SPSB1: variants seen among roughly 807,000 people sequenced by gnomAD.
SPSB1 encodes the protein splA/ryanodine receptor domain and SOCS box containing 1.
In SPSB1, 8 loss-of-function variants were observed where a neutral mutation model predicts 21.2. The observed-to-expected ratio is 0.38, with a 90% confidence interval of 0.22 to 0.68. SPSB1 has a LOEUF of 0.68. SPSB1 is among the 30% of genes least tolerant of loss of function. The probability of loss-of-function intolerance (pLI) is 0.53; values close to 1 mark genes in which losing one functional copy is unlikely to be tolerated. For missense variants in SPSB1, 242 were observed against 377.8 expected, an observed-to-expected ratio of 0.64 and a Z score of 2.98; for synonymous variants, 169 against 161.7, an observed-to-expected ratio of 1.05 and a Z score of -0.34.
At chr1:9,326,519 G>T (rs1163225094) in intron 1 of SPSB1, among the ~76,000 whole-genome samples, 1 of 152,236 alleles carries the variant, frequency 6.6e-6, no homozygotes, top group Non-Finnish European at 1.5e-5. Context: ...GTCTGCATGT[G>T]GCTGAATGTT....
rs1160813442 is a variant in SPSB1 at position 9,305,015 on chromosome 1, T to A, written c.-150+11944T>A. On this transcript the variant is annotated intron_variant, in intron 1 of 2. Coordinates refer to ENST00000328089, the MANE Select transcript of SPSB1 (RefSeq NM_025106.4). This position sits in a 1 kb window ranked among gnomAD's most constrained non-coding sequence, Gnocchi z 4.8. The stretch of plus-strand genomic sequence containing the variant: ...GGCTTAGAAAGCTCTGGCCATTCCC[T>A]GGGCTTCACCTGCCTCCTGCGCCCA... Among the ~76,000 whole-genome samples the A allele has an allele frequency of 6.6e-6, 1 of 152,104 alleles. No homozygotes were observed. Among genetic ancestry groups the A allele is most frequent in the African/African-American group, 2.4e-5 (1 of 41,414 alleles).
intron 1 of SPSB1, among the ~76,000 whole-genome samples, chr1:9,354,835 G>A (rs1640335859): frequency 6.6e-6 from 1 of 152,116 alleles, no homozygotes; most frequent in Non-Finnish European, 1.5e-5. Flanking sequence ...GCTACCAGTG[G>A]AGAGGGATCG....
At chr1:9,328,607 G>A (rs1452604573) in intron 1 of SPSB1, among the ~76,000 whole-genome samples, 1 of 152,258 alleles carries the variant, frequency 6.6e-6, no homozygotes, top group African/African-American at 2.4e-5. Flanking sequence ...GCTGATGAGT[G>A]TGTTGGGGTG....
In SPSB1 at chr1:9,302,226, C is replaced by G. The variant is rs553478085; in HGVS notation, c.-150+9155C>G. Among the ~76,000 whole-genome samples, 3 of 152,268 alleles carry G rather than the reference C, an allele frequency of 2.0e-5. No homozygotes were observed. In the East Asian group the frequency reaches 5.8e-4, roughly 29 times the overall value. On this transcript the variant is annotated intron_variant, in intron 1 of 2. Coordinates refer to ENST00000328089, the MANE Select transcript of SPSB1 (RefSeq NM_025106.4). ...GGGTGCCAGTTGGTAAGGGGTGGAC[C>G]TGTGATGATTGATTTTGGATGTCAA...
intron 1 of SPSB1, among the ~76,000 whole-genome samples, chr1:9,342,267 G>A (rs546215741): frequency 1.3e-5 from 2 of 152,334 alleles, no homozygotes; most frequent in African/African-American, 4.8e-5. Context: ...TGCCAGGCCT[G>A]TGAGTGACGA....
At chr1:9,362,196 T>TC (rs1640493881) in intron 2 of SPSB1, among the ~76,000 whole-genome samples, 3 of 115,760 alleles carry the variant, frequency 2.6e-5, no homozygotes, top group African/African-American at 8.9e-5. Context: ...CTCCCTCCCT[T>TC]CCTTCCTTCC....
At position 9,293,460 on chromosome 1, in the gene SPSB1, G is replaced by A. The variant is rs1639154609; in HGVS notation, c.-150+389G>A. On this transcript the variant is annotated intron_variant, in intron 1 of 2. Transcript: ENST00000328089. This position sits in a 1 kb window ranked among gnomAD's most constrained non-coding sequence, Gnocchi z 5.1. The stretch of plus-strand genomic sequence containing the variant: ...GCCGACCCGTCCCCCCTTTAGCCCG[G>A]GGAAAGCGGGACCCCGCTCGGCTGA... 6.6e-6 allele frequency among the ~76,000 whole-genome samples: 1 copy of A among 151,784 alleles called. No homozygotes were observed. The highest frequency in any genetic ancestry group is 6.6e-5 in the Admixed American group (1 of 15,260).
intron 1 of SPSB1, among the ~76,000 whole-genome samples, chr1:9,337,933 T>C (rs899687218): frequency 3.3e-5 from 5 of 152,146 alleles, no homozygotes; most frequent in African/African-American, 1.2e-4. Context: ...TGGTGGCTCT[T>C]CCGGTGAGGA....
intron 1 of SPSB1, among the ~76,000 whole-genome samples, chr1:9,308,003 G>T (rs1569573829): frequency 6.6e-6 from 1 of 152,252 alleles, no homozygotes; most frequent in East Asian, 1.9e-4. Flanking sequence ...CCTCCTCCTG[G>T]GGGGCAGGAG....
intron 1 of SPSB1, among the ~76,000 whole-genome samples, chr1:9,294,077 CCTCT>C (rs1639167244): frequency 2.1e-5 from 3 of 144,320 alleles, no homozygotes; most frequent in African/African-American, 5.2e-5. Context: ...TTTGTGTGTG[CCTCT>C]CTGTGTATGT....
At position 9,314,045 on chromosome 1, in the gene SPSB1, G is replaced by A. The variant is rs143272581; in HGVS notation, c.-150+20974G>A. ...ACAAAAATTAGCCAGGTGTGGCGGC[G>A]GGCACTTGTTATCCCAGCTACCTGG... On this transcript the variant is annotated intron_variant, in intron 1 of 2. Transcript: ENST00000328089. Among the ~76,000 whole-genome samples the A allele has an allele frequency of 5.0e-3, 756 of 151,966 alleles. 7 individuals carry two copies. Among genetic ancestry groups the A allele is most frequent in the African/African-American group, 0.017 (721 of 41,454 alleles).
intron 1 of SPSB1, among the ~76,000 whole-genome samples, chr1:9,339,446 G>C (rs1383689844): frequency 6.6e-6 from 1 of 152,200 alleles, no homozygotes; most frequent in African/African-American, 2.4e-5. Context: ...GAGGTGCTCT[G>C]AGACGGCTGC....
At chr1:9,349,890 A>T (rs770089972) in intron 1 of SPSB1, among the ~76,000 whole-genome samples, 3 of 152,152 alleles carry the variant, frequency 2.0e-5, no homozygotes, top group African/African-American at 4.8e-5. Context: ...CCTGTCACCC[A>T]TGAGGAGGAC....
intron 1 of SPSB1, among the ~76,000 whole-genome samples, chr1:9,353,387 G>C (rs1640303526): frequency 6.6e-6 from 1 of 152,188 alleles, no homozygotes; most frequent in Non-Finnish European, 1.5e-5. Flanking sequence ...GCAGCGCCAT[G>C]GAGGGAGTCC....
At chr1:9,318,876 G>A (rs1294049) in intron 1 of SPSB1, among the ~76,000 whole-genome samples, 90,548 of 151,850 alleles carry the variant, frequency 0.6, 27,750 homozygotes, top group Middle Eastern at 0.69. Flanking sequence ...CCAGCCTGCG[G>A]TGTCCTGCAG....
At position 9,326,405 on chromosome 1, in the gene SPSB1, T is replaced by C. The variant is rs545032860; in HGVS notation, c.-149-29338T>C. ...AAGGGGCCACAGAAAAGTCAGTGGG[T>C]GGTGTCGGAGGAGTCACCTCACACT... On this transcript the variant is annotated intron_variant, in intron 1 of 2. Transcript: ENST00000328089. Among the ~76,000 whole-genome samples the C allele has an allele frequency of 4.7e-4, 71 of 152,168 alleles. 1 individual carries two copies. Among genetic ancestry groups the C allele is most frequent in the African/African-American group, 1.6e-3 (67 of 41,502 alleles).
chr1:9,308,599 T>C (rs185433033), intron 1 of SPSB1, among the ~76,000 whole-genome samples: 8 of 152,316 alleles, frequency 5.3e-5, no homozygotes, highest in African/African-American at 1.9e-4. Flanking sequence ...CTGCCTGAAA[T>C]AGTCTTCACA....
rs1392436581 is a variant in SPSB1, at chr1:9,293,403, G to A, written c.-150+332G>A. On this transcript the variant is annotated intron_variant, in intron 1 of 2. Coordinates refer to ENST00000328089, the MANE Select transcript of SPSB1 (RefSeq NM_025106.4). This position sits in a 1 kb window ranked among gnomAD's most constrained non-coding sequence, Gnocchi z 5.1. ...GCGGGGACCGTCGCAACGAGTTGCG[G>A]TCCCGAGGAGGGGCTGGGGCGCTCC... is the stretch of plus-strand genomic sequence containing the variant. Among the ~76,000 whole-genome samples, 1 of 151,536 alleles carries A rather than the reference G, an allele frequency of 6.6e-6. No homozygotes were observed. The highest frequency in any genetic ancestry group is 2.4e-5 in the African/African-American group (1 of 41,356).
intron 1 of SPSB1, among the ~76,000 whole-genome samples, chr1:9,354,338 G>A (rs733892): frequency 0.097 from 14,825 of 152,122 alleles, 985 homozygotes; most frequent in East Asian, 0.26. Context: ...CCGCCCAGGC[G>A]CCCCCACAGG....
Sources: allele counts gnomAD v4.1 joint callset (sites outside exome capture counted in the v4.1 genomes callset), GRCh38; gene constraint gnomAD v4.1.1; non-coding constraint Gnocchi (gnomAD v3.1); transcripts MANE v1.5; gene names NCBI Gene and HGNC (gene_info 2026-07-23, HGNC 2026-07-21).